The following SDK1 variants were observed in gnomAD, a reference collection of about 807,000 sequenced individuals.
SDK1 encodes sidekick cell adhesion molecule 1.
SDK1 carries 157 observed loss-of-function variants against 245.5 expected under a neutral mutation model. The ratio of observed to expected loss-of-function variants is 0.64; its 90% CI spans 0.56 to 0.73. The LOEUF is 0.73. SDK1 is among the 30% of genes least tolerant of loss of function. The probability of loss-of-function intolerance (pLI) is 0.00; values close to 1 mark genes in which losing one functional copy is unlikely to be tolerated. For synonymous variants in SDK1, 1,647 were observed against 1,278.5 expected, an observed-to-expected ratio of 1.29 and a Z score of -6.15; for missense variants, 3,583 against 3,002.3, an observed-to-expected ratio of 1.19 and a Z score of -4.52.
chr7:3,812,544 C>T (rs1342621558), intron 4 of SDK1, among the ~76,000 whole-genome samples: 1 of 152,108 alleles, frequency 6.6e-6, no homozygotes, highest in Non-Finnish European at 1.5e-5. Context: ...CATATACTTG[C>T]CATTATGAGA....
intron 1 of SDK1, among the ~76,000 whole-genome samples, chr7:3,357,074 AAGAT>A (rs1400670220): frequency 2.2e-5 from 3 of 138,560 alleles, no homozygotes; most frequent in African/African-American, 8.2e-5. Context: ...AAAAAAAAAA[AAGAT>A]ACTTCTTTCT....
At chr7:3,942,186 G>A (rs1321849763) in intron 5 of SDK1, among the ~76,000 whole-genome samples, 9 of 152,154 alleles carry the variant, frequency 5.9e-5, no homozygotes, top group African/African-American at 1.7e-4. Context: ...GATTACAGGC[G>A]TGAGCCACTG....
intron 4 of SDK1, among the ~76,000 whole-genome samples, chr7:3,781,049 A>T (rs1209331889): frequency 1.3e-5 from 2 of 151,908 alleles, no homozygotes; most frequent in African/African-American, 4.8e-5. Flanking sequence ...TCAAACAGTC[A>T]CTCAACTCAG....
At chr7:3,994,603 A>G (rs2128142117) in intron 14 of SDK1, among the ~76,000 whole-genome samples, 2 of 151,442 alleles carry the variant, frequency 1.3e-5, no homozygotes, top group African/African-American at 4.9e-5. Context: ...GATCGCACCA[A>G]GGCACTCCAG....
chr7:4,077,089 C>G lies in SDK1; in HGVS notation c.3102C>G (p.Gly1034=). The G allele has an allele frequency of 6.2e-7, 1 of 1,614,194 alleles. No individual in the cohort carries two copies. Among genetic ancestry groups the G allele is most frequent in the South Asian group, 1.1e-5 (1 of 91,088 alleles). ...NSTTHEYKIQ[G]LSSLTTYTID... is the part of the protein sequence containing the mutation. ...CGACGCACGAGTACAAGATCCAAGG[C>G]CTCTCATCTCTCACCACCTACACCA... is the stretch of plus-strand genomic sequence containing the variant. Residue 1034 remains glycine (G), a synonymous_variant, in exon 21 of 45, where the codon GGC becomes GGG. Coordinates refer to ENST00000404826, the MANE Select transcript of SDK1 (RefSeq NM_152744.4).
chr7:4,144,706 G>A (rs957060139), intron 28 of SDK1, among the ~76,000 whole-genome samples: 1 of 152,146 alleles, frequency 6.6e-6, no homozygotes, highest in African/African-American at 2.4e-5. Flanking sequence ...AGGGCAGGGG[G>A]CAAGCAGCGT....
At chr7:3,894,318 G>T (rs992775625) in intron 5 of SDK1, among the ~76,000 whole-genome samples, 5 of 152,048 alleles carry the variant, frequency 3.3e-5, no homozygotes, top group African/African-American at 4.8e-5. Flanking sequence ...TTGCCTTCTC[G>T]ACTGGAGGCT....
chr7:3,801,789 T>G (rs909614691), intron 4 of SDK1, among the ~76,000 whole-genome samples: 1 of 152,176 alleles, frequency 6.6e-6, no homozygotes, highest in Non-Finnish European at 1.5e-5. Flanking sequence ...CCTTTGCACT[T>G]GGAGCTCTCT....
At position 3,503,340 on chromosome 7, in the gene SDK1, A is replaced by G. The variant is rs55716539; in HGVS notation, c.299-115740A>G. 9.2e-5 allele frequency among the ~76,000 whole-genome samples: 14 copies of G among 152,112 alleles called. No individual in the cohort carries two copies. In the East Asian group the frequency reaches 2.1e-3, roughly 23 times the overall value. ...TACATTTTCAGCTAATGATGATTGA[A>G]TCTTGTCAGACACCTTACACAACTG... On this transcript the variant is annotated intron_variant, in intron 1 of 44. Transcript: ENST00000404826.
intron 1 of SDK1, among the ~76,000 whole-genome samples, chr7:3,401,572 G>C (rs1191492023): frequency 1.3e-5 from 2 of 152,154 alleles, no homozygotes; most frequent in East Asian, 3.9e-4. Context: ...TCTTGAAGAG[G>C]CTGTGGCCAC....
At chr7:3,802,327 C>A (rs150403402) in intron 4 of SDK1, among the ~76,000 whole-genome samples, 1 of 151,876 alleles carries the variant, frequency 6.6e-6, no homozygotes, top group Non-Finnish European at 1.5e-5. Context: ...AGTTCAAGAC[C>A]GGCCTGGGCA....
intron 28 of SDK1, among the ~76,000 whole-genome samples, chr7:4,142,165 C>T (rs1303208760): frequency 1.3e-5 from 2 of 152,280 alleles, no homozygotes; most frequent in Admixed American, 6.5e-5. Context: ...CTGAACCCTA[C>T]GCATACATAC....
chr7:4,094,892 A>G (rs1275063122), intron 22 of SDK1, among the ~76,000 whole-genome samples: 1 of 152,202 alleles, frequency 6.6e-6, no homozygotes, highest in African/African-American at 2.4e-5. Flanking sequence ...CATTGGTTTT[A>G]CCTAAAAGGA....
At chr7:3,489,823 T>C (rs947205580) in intron 1 of SDK1, among the ~76,000 whole-genome samples, 1 of 152,228 alleles carries the variant, frequency 6.6e-6, no homozygotes, top group African/African-American at 2.4e-5. Flanking sequence ...TGCAGCAAGA[T>C]TCATGCTAAC....
At chr7:3,400,154 T>A (rs1379594503) in intron 1 of SDK1, among the ~76,000 whole-genome samples, 1 of 151,670 alleles carries the variant, frequency 6.6e-6, no homozygotes, top group Non-Finnish European at 1.5e-5. Context: ...TTTCACATTG[T>A]TAGGGAGGCT....
At chr7:3,687,884 G>T (rs988063821) in intron 4 of SDK1, among the ~76,000 whole-genome samples, 1 of 152,132 alleles carries the variant, frequency 6.6e-6, no homozygotes, top group African/African-American at 2.4e-5. Flanking sequence ...CTGGATAAAG[G>T]TACCCAGGAT....
intron 1 of SDK1, among the ~76,000 whole-genome samples, chr7:3,405,939 A>AT (rs1335483136): frequency 2.7e-5 from 4 of 150,278 alleles, no homozygotes; most frequent in African/African-American, 9.8e-5. Context: ...CAGCCTCCTG[A>AT]GTAGGTGGGA....
At chr7:3,583,841 G>A (rs570071099) in intron 1 of SDK1, among the ~76,000 whole-genome samples, 2 of 152,112 alleles carry the variant, frequency 1.3e-5, no homozygotes, top group Admixed American at 1.3e-4. Context: ...GAAGGTGGCA[G>A]GCATTTCAAG....
intron 1 of SDK1, among the ~76,000 whole-genome samples, chr7:3,489,950 A>G (rs1781818935): frequency 6.6e-6 from 1 of 152,000 alleles, no homozygotes. Context: ...GTCAAAGGCT[A>G]ATACATTTGG....
Sources: gnomAD v4.1 joint callset for allele counts (sites outside exome capture counted in the v4.1 genomes callset) on GRCh38, gnomAD v4.1.1 for gene constraint, MANE v1.5 for transcripts, NCBI Gene and HGNC (gene_info 2026-07-23, HGNC 2026-07-21) for gene names.